CSMD1: variants seen among roughly 807,000 people sequenced by gnomAD.
CSMD1 encodes the protein CUB and sushi domain-containing protein 1.
In CSMD1, 213 loss-of-function variants were observed where a neutral mutation model predicts 417.5. That is an observed-to-expected ratio of 0.51 (90% CI 0.46 to 0.57). The LOEUF (loss-of-function observed/expected upper bound fraction) is 0.57. Ranked by LOEUF, CSMD1 falls within the 20% of genes least tolerant of loss-of-function variation. The pLI is 0.00. For synonymous variants in CSMD1, 2,862 were observed against 1,736.8 expected, an observed-to-expected ratio of 1.65 and a Z score of -16.11; for missense variants, 6,923 against 4,529.7, an observed-to-expected ratio of 1.53 and a Z score of -15.17.
intron 5 of CSMD1, among the ~76,000 whole-genome samples, chr8:3,896,666 C>G (rs1368654117): frequency 2.6e-5 from 4 of 152,016 alleles, no homozygotes; most frequent in Admixed American, 2.6e-4. Context: ...CGCCCGCCAC[C>G]ACACTGGCTA....
chr8:4,844,967 T>C (rs1054096148), intron 1 of CSMD1, among the ~76,000 whole-genome samples: 13 of 152,326 alleles, frequency 8.5e-5, no homozygotes, highest in African/African-American at 3.1e-4. Context: ...TCATGAAGCT[T>C]AATAATCAGA....
At chr8:4,287,836 G>A (rs964779803) in intron 3 of CSMD1, among the ~76,000 whole-genome samples, 5 of 151,922 alleles carry the variant, frequency 3.3e-5, no homozygotes, top group Non-Finnish European at 5.9e-5. Context: ...GCATTTAGTG[G>A]GAGAAGTGCC....
rs567730575 is a variant in CSMD1 at position 3,915,193 on chromosome 8, G to A, written c.818+82710C>T. Reference sequence around the variant, plus strand: ...GGCTGAGGCAGGAGGACCACCTAAGGTCAGGATTTCGAGACCAGCCTGGCC... The same window carrying A: ...GGCTGAGGCAGGAGGACCACCTAAGATCAGGATTTCGAGACCAGCCTGGCC... On this transcript the variant is annotated intron_variant, in intron 5 of 69. Coordinates refer to ENST00000635120, the MANE Select transcript of CSMD1 (RefSeq NM_033225.6). 2.6e-5 allele frequency among the ~76,000 whole-genome samples: 4 copies of A among 152,138 alleles called. No homozygotes were observed. In the South Asian group the frequency reaches 6.2e-4, roughly 24 times the overall value.
At chr8:4,971,114 A>G (rs1032433879) in intron 1 of CSMD1, among the ~76,000 whole-genome samples, 2 of 152,004 alleles carry the variant, frequency 1.3e-5, no homozygotes, top group African/African-American at 4.8e-5. Flanking sequence ...TACCAAATTC[A>G]GACTTCAAAC....
At chr8:3,392,525 A>T (rs2654486) in intron 17 of CSMD1, among the ~76,000 whole-genome samples, 143,247 of 152,066 alleles carry the variant, frequency 0.94, 67,489 homozygotes, top group South Asian at 0.98. Flanking sequence ...GGTTCCTTTA[A>T]CCCTCCGTGA....
chr8:3,910,321 G>C (rs1227914441), intron 5 of CSMD1, among the ~76,000 whole-genome samples: 1 of 152,168 alleles, frequency 6.6e-6, no homozygotes, highest in African/African-American at 2.4e-5. Flanking sequence ...GAGCATGCCT[G>C]TGTCCTGCAA....
intron 3 of CSMD1, among the ~76,000 whole-genome samples, chr8:4,348,367 C>A (rs192578581): frequency 6.6e-6 from 1 of 151,988 alleles, no homozygotes; most frequent in Non-Finnish European, 1.5e-5. Flanking sequence ...AAGTGTACTA[C>A]GCTACAAGTG....
In CSMD1 at chr8:4,620,587, C is replaced by T. The variant is rs963129357; in HGVS notation, c.302+16755G>A. On this transcript the variant is annotated intron_variant, in intron 2 of 69. Transcript: ENST00000635120. ...ATTTTTTAACTGCAGTAGAATTAAA[C>T]GAGAATCTATAGAAATAAGACTGCT... Among the ~76,000 whole-genome samples the T allele has an allele frequency of 1.3e-4, 19 of 151,604 alleles. No individual in the cohort carries two copies. In the South Asian group the frequency reaches 1.5e-3, roughly 12 times the overall value.
At chr8:4,932,117 A>T (rs1807288265) in intron 1 of CSMD1, among the ~76,000 whole-genome samples, 1 of 152,262 alleles carries the variant, frequency 6.6e-6, no homozygotes, top group African/African-American at 2.4e-5. Context: ...GAATCTTTCA[A>T]TGTTTAATCA....
At position 3,989,024 on chromosome 8, in the gene CSMD1, C is replaced by A. The variant is rs572382754; in HGVS notation, c.818+8879G>T. Reference sequence around the variant, plus strand: ...TAAAAACCATTGTTCAAAACACATTCTATTTCAAAAAGTTTTTCTTTTTCA... The same window carrying A: ...TAAAAACCATTGTTCAAAACACATTATATTTCAAAAAGTTTTTCTTTTTCA... On this transcript the variant is annotated intron_variant, in intron 5 of 69. Transcript: ENST00000635120. Among the ~76,000 whole-genome samples, 3 of 152,298 alleles carry A rather than the reference C, an allele frequency of 2.0e-5. No individual in the cohort carries two copies. In the East Asian group the frequency reaches 5.8e-4, roughly 29 times the overall value.
intron 3 of CSMD1, among the ~76,000 whole-genome samples, chr8:4,168,822 T>C (rs75940381): frequency 0.015 from 2,305 of 152,264 alleles, 65 homozygotes; most frequent in East Asian, 0.065. Context: ...CTAACTTCAT[T>C]CCGGCTCTCT....
intron 3 of CSMD1, among the ~76,000 whole-genome samples, chr8:4,287,067 T>C (rs536297045): frequency 2.0e-5 from 3 of 152,176 alleles, no homozygotes; most frequent in Non-Finnish European, 4.4e-5. Context: ...GCTTAGTAAC[T>C]TGAGAGAACA....
chr8:4,546,760 TATA>T (rs1362408504), intron 2 of CSMD1, among the ~76,000 whole-genome samples: 1 of 152,088 alleles, frequency 6.6e-6, no homozygotes, highest in Non-Finnish European at 1.5e-5. Context: ...TGTGTATGCA[TATA>T]AATTATACAT....
intron 62 of CSMD1, among the ~76,000 whole-genome samples, chr8:2,959,733 A>T (rs922169281): frequency 2.6e-5 from 4 of 152,216 alleles, no homozygotes; most frequent in Non-Finnish European, 4.4e-5. Flanking sequence ...ACTTTGTGTA[A>T]GTAAGGTTTC....
rs752027423 is a variant in CSMD1 at position 3,087,175 on chromosome 8, C to G, written c.7396G>C (p.Val2466Leu). 23 of 1,613,832 alleles carry G rather than the reference C, an allele frequency of 1.4e-5. No individual in the cohort carries two copies. Among genetic ancestry groups the G allele is most frequent in the Non-Finnish European group, 1.9e-5 (22 of 1,179,910 alleles). Reference protein sequence around the residue: ...HYFCKPGYRMVGHSNATCRRN... With the variant: ...HYFCKPGYRMLGHSNATCRRN... ...CTACAGGTTGCATTGCTGTGGCCGA[C>G]CATTCGGTATCCAGGCTTGCAAAAA... Residue 2466 changes from valine (V) to leucine (L), a missense_variant, in exon 49 of 70, where the codon GTC (valine) becomes CTC (leucine). Val to Leu is a conservative substitution (Grantham distance 32, BLOSUM62 1). Transcript: ENST00000635120.
intron 17 of CSMD1, among the ~76,000 whole-genome samples, chr8:3,392,111 T>TG (rs1052874112): frequency 8.7e-5 from 3 of 34,642 alleles, no homozygotes; most frequent in African/African-American, 2.4e-4. Flanking sequence ...TGTTGTGCGG[T>TG]GGGGGGAGGG....
intron 3 of CSMD1, among the ~76,000 whole-genome samples, chr8:4,354,248 T>C (rs527917834): frequency 9.0e-4 from 133 of 147,894 alleles, no homozygotes; most frequent in African/African-American, 3.0e-3. Context: ...ACCAACAACA[T>C]TGTAGATCAC....
intron 3 of CSMD1, among the ~76,000 whole-genome samples, chr8:4,053,956 T>C (rs1185036123): frequency 6.6e-6 from 1 of 152,172 alleles, no homozygotes; most frequent in Non-Finnish European, 1.5e-5. Context: ...CATTCTTTAT[T>C]ACCGTGCATT....
At chr8:4,903,722 C>T (rs1051456351) in intron 1 of CSMD1, among the ~76,000 whole-genome samples, 6 of 152,172 alleles carry the variant, frequency 3.9e-5, no homozygotes, top group African/African-American at 9.7e-5. Flanking sequence ...AAGAGCAACA[C>T]AGATGAAGCA....
Sources: gnomAD v4.1 joint callset for allele counts (sites outside exome capture counted in the v4.1 genomes callset) on GRCh38, gnomAD v4.1.1 for gene constraint, MANE v1.5 for transcripts, NCBI Gene and HGNC (gene_info 2026-07-23, HGNC 2026-07-21) for gene names.